The following MRPS35 variants were observed in gnomAD, a reference collection of about 807,000 sequenced individuals.
MRPS35 encodes the protein small ribosomal subunit protein mS35.
MRPS35 carries 29 observed loss-of-function variants against 32.7 expected under a neutral mutation model. The ratio of observed to expected loss-of-function variants is 0.89; its 90% CI spans 0.66 to 1.21. MRPS35 has a LOEUF of 1.21. Among genes scored for constraint, MRPS35 ranks in the 50% most tolerant of loss-of-function variants. The pLI, the probability that MRPS35 is intolerant of heterozygous loss-of-function variation, is 0.00. For missense variants in MRPS35, 373 were observed against 383.8 expected (o/e 0.97, Z 0.23); for synonymous variants, 148 against 139.3 (o/e 1.06, Z -0.44).
rs114002746 is a variant in MRPS35, at chr12:27,725,168, G to A, written c.522+982G>A. Among the ~76,000 whole-genome samples the A allele has an allele frequency of 6.7e-3, 1,014 of 152,146 alleles. 15 individuals carry two copies. The highest frequency in any genetic ancestry group is 0.023 in the African/African-American group (957 of 41,484). On this transcript the variant is annotated intron_variant, in intron 5 of 7. Transcript: ENST00000081029. ...TGGCTCAAGTGATCTTCCCACTTCC[G>A]CCTCCCAAAGCACTGGAATTACAGG... is the stretch of plus-strand genomic sequence containing the variant.
At chr12:27,723,924 A>G in intron 4 of MRPS35, 123 bp from the exon 5 acceptor site, 3 of 930,330 alleles carry the variant, frequency 3.2e-6, no homozygotes, top group Non-Finnish European at 4.7e-6. Context: ...AAAGTGCAGA[A>G]GAGAATCTGT....
chr12:27,716,301 C>G lies in MRPS35; in HGVS notation c.164C>G (p.Pro55Arg). 6.2e-7 allele frequency: 1 copy of G among 1,608,942 alleles called. No individual in the cohort carries two copies. The highest frequency in any genetic ancestry group is 8.5e-7 in the Non-Finnish European group (1 of 1,178,208). ...TTTTATATTTCTTAGGCACTACCTC[C>G]TAGGACAGAGAAAATGGCTGTTGAC... is the stretch of plus-strand genomic sequence containing the variant. Reference protein sequence around the residue: ...ERPPRRKALPPRTEKMAVDQD... With the variant: ...ERPPRRKALPRRTEKMAVDQD... Residue 55 changes from proline (P) to arginine (R), a missense_variant, in exon 3 of 8, where the codon CCT becomes CGT. Coordinates refer to ENST00000081029, the MANE Select transcript of MRPS35 (RefSeq NM_021821.4).
chr12:27,713,687 A>G (rs2061837100), intron 1 of MRPS35, among the ~76,000 whole-genome samples: 1 of 152,156 alleles, frequency 6.6e-6, no homozygotes, highest in African/African-American at 2.4e-5. Flanking sequence ...CACTCAGTCC[A>G]CTGACTCAAA....
At chr12:27,735,378 A>G in intron 5 of MRPS35, 69 bp from the exon 6 acceptor site, 1 of 1,189,362 alleles carries the variant, frequency 8.4e-7, no homozygotes, top group Non-Finnish European at 1.2e-6. Flanking sequence ...TAGGAATAAC[A>G]TTGCTACCTT....
chr12:27,730,240 A>G (rs12827496), intron 5 of MRPS35, among the ~76,000 whole-genome samples: 21,350 of 152,042 alleles, frequency 0.14, 1,566 homozygotes, highest in East Asian at 0.18. Context: ...TACAAATCAC[A>G]TTTAGTCATC....
intron 1 of MRPS35, among the ~76,000 whole-genome samples, chr12:27,711,666 A>G (rs1315971233): frequency 6.6e-6 from 1 of 151,590 alleles, no homozygotes; most frequent in Non-Finnish European, 1.5e-5. Flanking sequence ...TGACCATCTC[A>G]TTTCTACAAG....
At chr12:27,748,880 C>G (rs944268372) in intron 7 of MRPS35, among the ~76,000 whole-genome samples, 2 of 152,044 alleles carry the variant, frequency 1.3e-5, no homozygotes, top group Non-Finnish European at 2.9e-5. Context: ...AGGAGCCAGG[C>G]ATGGTGGTAC....
chr12:27,750,059 C>T (rs755247300), intron 7 of MRPS35, among the ~76,000 whole-genome samples: 8 of 152,112 alleles, frequency 5.3e-5, no homozygotes, highest in East Asian at 1.9e-4. Flanking sequence ...TTAGTCTTTC[C>T]GTAACTTATT....
At chr12:27,748,384 AG>A (rs1336274050) in intron 7 of MRPS35, among the ~76,000 whole-genome samples, 1 of 151,560 alleles carries the variant, frequency 6.6e-6, no homozygotes, top group African/African-American at 2.4e-5. Flanking sequence ...TTGCTTCTTC[AG>A]GGGTTGGGGG....
intron 5 of MRPS35, among the ~76,000 whole-genome samples, chr12:27,726,366 A>G (rs897575002): frequency 3.3e-5 from 5 of 152,076 alleles, no homozygotes; most frequent in Admixed American, 6.5e-5. Flanking sequence ...TATTTTATGA[A>G]TATACCACAT....
intron 7 of MRPS35, among the ~76,000 whole-genome samples, chr12:27,744,576 T>TA (rs1209138113): frequency 2.6e-5 from 4 of 152,122 alleles, no homozygotes; most frequent in African/African-American, 9.7e-5. Context: ...ATCTATATTC[T>TA]AAAAAAAACT....
Position 27,737,607 on chromosome 12 carries a change from G to A in MRPS35, c.701G>A (p.Trp234Ter). The A allele has an allele frequency of 6.2e-7, 1 of 1,601,578 alleles. No homozygotes were observed. Among genetic ancestry groups the A allele is most frequent in the Non-Finnish European group, 8.5e-7 (1 of 1,170,288 alleles). Reference sequence around the variant, plus strand: ...CTAACAGTGTTATACCATGAGTCTTGGGTAAGTGTGTGTGAATATTTAATG... The same window carrying A: ...CTAACAGTGTTATACCATGAGTCTTAGGTAAGTGTGTGTGAATATTTAATG... ...YLLTVLYHES[W>*]NTEEWEKSKT... Residue 234 changes from tryptophan to a stop codon, truncating the protein, a stop_gained and splice_region_variant, in exon 7 of 8, where the codon TGG becomes TAG. Coordinates refer to ENST00000081029, the MANE Select transcript of MRPS35 (RefSeq NM_021821.4). LOFTEE classifies it low-confidence loss of function (END_TRUNC).
intron 1 of MRPS35, among the ~76,000 whole-genome samples, chr12:27,712,106 T>C (rs1051789956): frequency 6.6e-6 from 1 of 151,950 alleles, no homozygotes; most frequent in African/African-American, 2.4e-5. Context: ...GGAAAGATCT[T>C]TCTGAGGAAG....
chr12:27,717,670 A>G (rs941995614), intron 3 of MRPS35, among the ~76,000 whole-genome samples: 1 of 152,266 alleles, frequency 6.6e-6, no homozygotes, highest in East Asian at 1.9e-4. Context: ...CATCAAGGAA[A>G]ACAAATGTTT....
At chr12:27,720,805 C>A (rs1180870379) in intron 4 of MRPS35, among the ~76,000 whole-genome samples, 2 of 152,094 alleles carry the variant, frequency 1.3e-5, no homozygotes, top group African/African-American at 4.8e-5. Context: ...CATGTACTTA[C>A]ACTACTACTT....
At chr12:27,727,122 G>A (rs2140763874) in intron 5 of MRPS35, among the ~76,000 whole-genome samples, 1 of 151,966 alleles carries the variant, frequency 6.6e-6, no homozygotes, top group Middle Eastern at 3.4e-3. Flanking sequence ...CACCACGCCT[G>A]GCTAATTTTT....
intron 7 of MRPS35, among the ~76,000 whole-genome samples, chr12:27,742,254 C>T (rs2061966735): frequency 6.6e-6 from 1 of 152,112 alleles, no homozygotes; most frequent in South Asian, 2.1e-4. Context: ...ATTGTGTATG[C>T]CTACACACCT....
At chr12:27,713,874 G>T (rs968142485) in intron 1 of MRPS35, among the ~76,000 whole-genome samples, 1 of 152,096 alleles carries the variant, frequency 6.6e-6, no homozygotes, top group Non-Finnish European at 1.5e-5. Context: ...GATCGCTGGA[G>T]CTCAAGAGCT....
chr12:27,728,798 A>C (rs75296590), intron 5 of MRPS35, among the ~76,000 whole-genome samples: 1 of 152,222 alleles, frequency 6.6e-6, no homozygotes, highest in African/African-American at 2.4e-5. Flanking sequence ...GCCCCATTGC[A>C]TCTGGATGTC....
Sources: gnomAD v4.1 joint callset for allele counts (sites outside exome capture counted in the v4.1 genomes callset) on GRCh38, gnomAD v4.1.1 for gene constraint, MANE v1.5 for transcripts, NCBI Gene and HGNC (gene_info 2026-07-23, HGNC 2026-07-21) for gene names.